The following DENND2B variants were observed in gnomAD, a reference collection of about 807,000 sequenced individuals.
DENND2B encodes the protein DENN domain-containing protein 2B.
DENND2B carries 32 observed loss-of-function variants against 116.0 expected under a neutral mutation model. The observed-to-expected ratio is 0.28, with a 90% CI of 0.21 to 0.37. The LOEUF (loss-of-function observed/expected upper bound fraction) is 0.37. Among genes scored for constraint, DENND2B ranks in the 10% least tolerant of loss-of-function variants. DENND2B has a pLI of 1.00. For synonymous variants in DENND2B, 588 were observed against 583.9 expected, an observed-to-expected ratio of 1.01 and a Z score of -0.10; for missense variants, 1,276 against 1,477.7, an observed-to-expected ratio of 0.86 and a Z score of 2.24.
intron 3 of DENND2B, among the ~76,000 whole-genome samples, chr11:8,846,741 T>G (rs1304840004): frequency 1.3e-5 from 2 of 152,188 alleles, no homozygotes; most frequent in Non-Finnish European, 2.9e-5. Flanking sequence ...TTATAGTCAG[T>G]TCTTCTACCT....
intron 4 of DENND2B, among the ~76,000 whole-genome samples, chr11:8,817,800 A>T (rs1159083453): frequency 1.3e-5 from 2 of 152,016 alleles, no homozygotes; most frequent in Non-Finnish European, 2.9e-5. Flanking sequence ...TTAATATATA[A>T]GCCAATTTTC....
At chr11:8,717,712 C>T in intron 5 of DENND2B, 29 bp downstream of exon 5, 1 of 1,514,940 alleles carries the variant, frequency 6.6e-7, no homozygotes, top group African/African-American at 1.4e-5. Flanking sequence ...TCACGCTAAC[C>T]CTACAGGCCG....
At chr11:8,835,980 C>T (rs534923125) in intron 4 of DENND2B, among the ~76,000 whole-genome samples, 1 of 152,026 alleles carries the variant, frequency 6.6e-6, no homozygotes, top group Non-Finnish European at 1.5e-5. Context: ...CTAACAGTCT[C>T]AGGAAAGTAG....
intron 1 of DENND2B, among the ~76,000 whole-genome samples, chr11:8,793,775 T>A (rs1159631395): frequency 1.3e-5 from 2 of 152,276 alleles, no homozygotes; most frequent in East Asian, 3.9e-4. Context: ...TTTTGGGGAA[T>A]AATCAAACTT....
At chr11:8,732,908 C>T (rs1417516762) in intron 2 of DENND2B, among the ~76,000 whole-genome samples, 3 of 152,236 alleles carry the variant, frequency 2.0e-5, no homozygotes, top group African/African-American at 7.2e-5. Context: ...GCCCCTGAGC[C>T]AGGCTGCTGT....
At chr11:8,847,432 G>T (rs1429119252) in intron 3 of DENND2B, among the ~76,000 whole-genome samples, 20 of 152,052 alleles carry the variant, frequency 1.3e-4, no homozygotes. Context: ...GATCTCAATA[G>T]TATATTTAAA....
At chr11:8,710,817 G>T in intron 11 of DENND2B, 28 bp downstream of exon 11, 1 of 1,603,856 alleles carries the variant, frequency 6.2e-7, no homozygotes, top group Non-Finnish European at 8.5e-7. Flanking sequence ...CCTGCCTGCT[G>T]GCCTGAGGAC....
intron 2 of DENND2B, among the ~76,000 whole-genome samples, chr11:8,749,179 G>C (rs1194994420): frequency 1.3e-5 from 2 of 152,186 alleles, no homozygotes; most frequent in Admixed American, 1.3e-4. Context: ...TGGTTCCCAG[G>C]AGCAGGCAAT....
At chr11:8,815,946 T>C (rs1033786994) in intron 4 of DENND2B, among the ~76,000 whole-genome samples, 10 of 152,296 alleles carry the variant, frequency 6.6e-5, no homozygotes, top group East Asian at 1.9e-4. Context: ...AAAATACATA[T>C]ATGTAAATCG....
intron 2 of DENND2B, among the ~76,000 whole-genome samples, chr11:8,862,322 CTTTTTTTTTT>C (rs557309893): frequency 6.2e-5 from 4 of 64,882 alleles, no homozygotes; most frequent in Non-Finnish European, 8.9e-5. Context: ...CTTTTTCACT[CTTTTTTTTTT>C]TTTTTTTTTT....
intron 10 of DENND2B, 26 bp downstream of exon 10, chr11:8,711,096 C>T: frequency 1.2e-6 from 2 of 1,608,936 alleles, no homozygotes; most frequent in Non-Finnish European, 1.7e-6. Context: ...ATGCTCCTTC[C>T]TCCCTCAGGC....
intron 2 of DENND2B, among the ~76,000 whole-genome samples, chr11:8,740,242 T>C (rs922677123): frequency 2.7e-5 from 4 of 150,666 alleles, no homozygotes; most frequent in Non-Finnish European, 4.4e-5. Context: ...ATCATGTGTA[T>C]GTGTGCGCAT....
intron 2 of DENND2B, among the ~76,000 whole-genome samples, chr11:8,861,805 T>TA (rs201523504): frequency 0.026 from 3,992 of 152,146 alleles, 74 homozygotes; most frequent in Non-Finnish European, 0.042. Flanking sequence ...AATGAGTGAT[T>TA]AAAAAATGTG....
intron 11 of DENND2B, among the ~76,000 whole-genome samples, chr11:8,710,258 A>C (rs2043361292): frequency 6.6e-6 from 1 of 152,116 alleles, no homozygotes; most frequent in Non-Finnish European, 1.5e-5. Context: ...ATGGTGAGGG[A>C]CTTCTCTTTA....
chr11:8,796,035 C>A (rs1018104090), intron 1 of DENND2B, among the ~76,000 whole-genome samples: 11 of 152,204 alleles, frequency 7.2e-5, no homozygotes, highest in African/African-American at 2.7e-4. Flanking sequence ...CAAAGAAATT[C>A]CTCTGTTTTC....
At chr11:8,889,449 G>A (rs775273940) in intron 1 of DENND2B, among the ~76,000 whole-genome samples, 23 of 152,230 alleles carry the variant, frequency 1.5e-4, no homozygotes, top group African/African-American at 2.4e-4. Context: ...GCGAGGCATC[G>A]CCTCACCCGG....
chr11:8,714,625 T>C lies in DENND2B; in HGVS notation c.1927A>G (p.Thr643Ala). ...LKKLSMSSIE[T>A]ASLRDENSES... ...CAAAGCCTACCTCTCAGTGATGCTG[T>C]TTCAATGCTGGACATAGACAACTTT... Residue 643 changes from threonine to alanine, a missense_variant, in exon 7 of 20, where the codon ACA becomes GCA. This residue lies in a region of DENND2B where 856 missense variants were observed against 846.6 expected (regional missense o/e 1.01). Transcript: ENST00000313726. 6.2e-7 allele frequency: 1 copy of C among 1,614,106 alleles called. No individual in the cohort carries two copies. Among genetic ancestry groups the C allele is most frequent in the Non-Finnish European group, 8.5e-7 (1 of 1,179,994 alleles).
At chr11:8,884,515 T>C (rs2063938973) in intron 1 of DENND2B, among the ~76,000 whole-genome samples, 1 of 152,156 alleles carries the variant, frequency 6.6e-6, no homozygotes, top group South Asian at 2.1e-4. Flanking sequence ...CTTTATTTCC[T>C]CTAGTATATT....
At chr11:8,901,170 T>C (rs1383752923) in intron 1 of DENND2B, among the ~76,000 whole-genome samples, 3 of 151,986 alleles carry the variant, frequency 2.0e-5, no homozygotes, top group Non-Finnish European at 4.4e-5. Flanking sequence ...CCTGCTTCCT[T>C]TGGGTTTAGT....
Sources: gnomAD v4.1 joint callset for allele counts (sites outside exome capture counted in the v4.1 genomes callset) on GRCh38, gnomAD v4.1.1 for gene constraint, gnomAD v4.1.1 regional missense constraint, MANE v1.5 for transcripts, NCBI Gene and HGNC (gene_info 2026-07-23, HGNC 2026-07-21) for gene names.